Variants in ABI3BP observed in about 807,000 individuals in gnomAD.
The protein encoded by ABI3BP is ABI family member 3 binding protein.
In ABI3BP, 216 loss-of-function variants were observed where a neutral mutation model predicts 268.6. The ratio of observed to expected loss-of-function variants is 0.80; its 90% CI spans 0.72 to 0.90. The LOEUF (loss-of-function observed/expected upper bound fraction) is 0.90. Among genes scored for constraint, ABI3BP ranks in the 40% least tolerant of loss-of-function variants. The pLI is 0.00. For synonymous variants in ABI3BP, 730 were observed against 730.0 expected (o/e 1.00, Z 0.00); for missense variants, 2,090 against 2,182.4 (o/e 0.96, Z 0.84).
Position 100,754,694 on chromosome 3 carries a change from GT to G in ABI3BP, c.4851-4del. Reference sequence around the variant, plus strand: ...TGGGTTTCACCTGGAATTCATAACTGTTTAGGGGAAAATAAAAAAATACTTG... The same window carrying G: ...TGGGTTTCACCTGGAATTCATAACTGTTAGGGGAAAATAAAAAAATACTTG... On this transcript the variant is annotated splice_region_variant and splice_polypyrimidine_tract_variant and intron_variant, in intron 63 of 67. Transcript: ENST00000471714. The G allele has an allele frequency of 1.3e-6, 2 of 1,575,118 alleles. No individual in the cohort carries two copies. The highest frequency in any genetic ancestry group is 8.6e-7 in the Non-Finnish European group (1 of 1,158,562).
intron 55 of ABI3BP, 34 bp from the exon 56 acceptor site, chr3:100,789,550 A>G (rs1281331173): frequency 1.9e-6 from 3 of 1,559,066 alleles, no homozygotes; most frequent in Non-Finnish European, 2.6e-6. Flanking sequence ...TTTAATAACC[A>G]ACAGACCAAA....
intron 14 of ABI3BP, among the ~76,000 whole-genome samples, chr3:100,853,406 C>T (rs372290186): frequency 4.6e-5 from 7 of 152,306 alleles, no homozygotes; most frequent in South Asian, 4.1e-4. Flanking sequence ...TATTTTCAGC[C>T]AATTTCAAGT....
intron 2 of ABI3BP, among the ~76,000 whole-genome samples, chr3:100,916,363 T>C (rs2058615541): frequency 6.6e-6 from 1 of 152,214 alleles, no homozygotes; most frequent in Non-Finnish European, 1.5e-5. Flanking sequence ...CTTTTCCATG[T>C]AGGAGTGGGG....
intron 1 of ABI3BP, among the ~76,000 whole-genome samples, chr3:100,960,133 T>G (rs765812679): frequency 6.6e-6 from 1 of 152,148 alleles, no homozygotes; most frequent in African/African-American, 2.4e-5. Context: ...GTAGACAGTA[T>G]GTATAATCAG....
At chr3:100,875,960 C>A (rs1309680349) in intron 7 of ABI3BP, among the ~76,000 whole-genome samples, 1 of 152,138 alleles carries the variant, frequency 6.6e-6, no homozygotes, top group Non-Finnish European at 1.5e-5. Flanking sequence ...GTAATATCAA[C>A]ACTAACTGAT....
intron 1 of ABI3BP, among the ~76,000 whole-genome samples, chr3:100,990,071 G>A (rs941557804): frequency 6.6e-6 from 1 of 152,144 alleles, no homozygotes; most frequent in Admixed American, 6.6e-5. Flanking sequence ...GCTAGAATGC[G>A]GTAGAAGCCT....
intron 59 of ABI3BP, among the ~76,000 whole-genome samples, chr3:100,777,525 T>C (rs981656835): frequency 6.6e-6 from 1 of 152,190 alleles, no homozygotes; most frequent in South Asian, 2.1e-4. Context: ...TCACAGTCTA[T>C]TGGGGAAGAA....
rs1469310347 is a variant in ABI3BP at position 100,775,306 on chromosome 3, G to A, written c.4363C>T (p.Pro1455Ser). Residue 1455 changes from proline (P) to serine (S), a missense_variant, in exon 60 of 68, where the codon CCA becomes TCA. By Grantham distance (74) the Pro-to-Ser change is moderately conservative (BLOSUM62 -1). Coordinates refer to ENST00000471714, the MANE Select transcript of ABI3BP (RefSeq NM_001375547.2). Reference sequence around the variant, plus strand: ...GGCCTGGGTGTTGACCTCAGGGGTGGTGTAGTTATTGGGCCTGATGAAATG... The same window carrying A: ...GGCCTGGGTGTTGACCTCAGGGGTGATGTAGTTATTGGGCCTGATGAAATG... ...GIISSGPITT[P>S]PLRSTPRPTG... 1.2e-6 allele frequency: 2 copies of A among 1,607,758 alleles called. No homozygotes were observed. Among genetic ancestry groups the A allele is most frequent in the Non-Finnish European group, 1.7e-6 (2 of 1,176,764 alleles).
chr3:100,764,560 A>G (rs2096171418), intron 63 of ABI3BP, among the ~76,000 whole-genome samples: 1 of 152,252 alleles, frequency 6.6e-6, no homozygotes, highest in Admixed American at 6.5e-5. Context: ...TCAGAAAAAA[A>G]CCACAGTGAA....
intron 2 of ABI3BP, among the ~76,000 whole-genome samples, chr3:100,914,956 C>A (rs1208585559): frequency 6.6e-6 from 1 of 152,182 alleles, no homozygotes. Context: ...GCATGCATTT[C>A]ACCCACGGCT....
chr3:100,766,584 A>T (rs4616685), intron 62 of ABI3BP, among the ~76,000 whole-genome samples: 41,887 of 152,134 alleles, frequency 0.28, 6,406 homozygotes, highest in East Asian at 0.63. Context: ...AAACAAATTA[A>T]TGTCCTTAAA....
chr3:100,753,831 C>T lies in ABI3BP; in HGVS notation c.4948G>A (p.Glu1650Lys). Residue 1650 changes from glutamate to lysine, a missense_variant, in exon 65 of 68, where the codon GAG becomes AAG. By Grantham distance (56) the Glu-to-Lys change is moderately conservative. Transcript: ENST00000471714. Reference protein sequence around the residue: ...STESADPRVSEPVSAGRDAIW... With the variant: ...STESADPRVSKPVSAGRDAIW... ...GACAGGTACTTACCAGAAACTGGCTCACTCACTCTTGGGTCCGCTGAGGAG... is the reference window on the plus strand; with the variant it reads ...GACAGGTACTTACCAGAAACTGGCTTACTCACTCTTGGGTCCGCTGAGGAG... 6.2e-7 allele frequency: 1 copy of T among 1,611,224 alleles called. No homozygotes were observed. Among genetic ancestry groups the T allele is most frequent in the Non-Finnish European group, 8.5e-7 (1 of 1,178,872 alleles).
At chr3:100,870,559 G>A (rs1303664392) in intron 9 of ABI3BP, among the ~76,000 whole-genome samples, 2 of 152,200 alleles carry the variant, frequency 1.3e-5, no homozygotes, top group African/African-American at 4.8e-5. Flanking sequence ...GTTGGCAAGG[G>A]TGTGGAGAAA....
chr3:100,896,337 T>C (rs1199118739), intron 4 of ABI3BP, among the ~76,000 whole-genome samples: 1 of 152,168 alleles, frequency 6.6e-6, no homozygotes, highest in East Asian at 1.9e-4. Context: ...ACTTTCTCTA[T>C]ATTCATTATC....
intron 51 of ABI3BP, among the ~76,000 whole-genome samples, chr3:100,800,641 C>T (rs1560216502): frequency 6.6e-6 from 1 of 152,116 alleles, no homozygotes; most frequent in Non-Finnish European, 1.5e-5. Context: ...CCATGCCCGG[C>T]TAATTTTTTG....
intron 1 of ABI3BP, among the ~76,000 whole-genome samples, chr3:100,969,062 C>T (rs745717311): frequency 1.4e-4 from 21 of 152,134 alleles, no homozygotes; most frequent in African/African-American, 1.9e-4. Flanking sequence ...CCTCATCTTA[C>T]GCAGATCCAG....
At chr3:100,814,942 G>A (rs1461293825) in intron 44 of ABI3BP, among the ~76,000 whole-genome samples, 1 of 152,116 alleles carries the variant, frequency 6.6e-6, no homozygotes, top group East Asian at 1.9e-4. Context: ...ACCACTGTAA[G>A]TGCCTTTTCT....
intron 57 of ABI3BP, among the ~76,000 whole-genome samples, chr3:100,786,950 T>A (rs1251338138): frequency 6.6e-6 from 1 of 152,144 alleles, no homozygotes; most frequent in Non-Finnish European, 1.5e-5. Context: ...ATTATTCACA[T>A]CTCTTTTTCA....
At chr3:100,842,902 A>C (rs970076511) in intron 20 of ABI3BP, among the ~76,000 whole-genome samples, 5 of 152,206 alleles carry the variant, frequency 3.3e-5, no homozygotes, top group South Asian at 2.1e-4. Context: ...TTTCTTAAAG[A>C]AAGAAACTAA....
Sources: gnomAD v4.1 joint callset for allele counts (sites outside exome capture counted in the v4.1 genomes callset) on GRCh38, gnomAD v4.1.1 for gene constraint, MANE v1.5 for transcripts, NCBI Gene and HGNC (gene_info 2026-07-23, HGNC 2026-07-21) for gene names.